Variants in GLP1R observed in about 807,000 individuals in gnomAD.
The protein encoded by GLP1R is glucagon-like peptide 1 receptor.
Under a neutral mutation model 68.4 loss-of-function variants are expected in GLP1R, and 32 were observed. The observed-to-expected ratio is 0.47, with a 90% CI of 0.35 to 0.63. GLP1R has a LOEUF of 0.63. GLP1R is among the 20% of genes least tolerant of loss of function. The pLI is 0.00. For missense variants in GLP1R, 502 were observed against 594.9 expected, an observed-to-expected ratio of 0.84 and a Z score of 1.62; for synonymous variants, 263 against 244.4, an observed-to-expected ratio of 1.08 and a Z score of -0.71.
Position 39,057,502 on chromosome 6 carries a change from A to G in GLP1R, c.206A>G (p.Tyr69Cys). ...DLFCNRTFDE[Y>C]ACWPDGEPGS... ...TTCTGCAACCGGACCTTCGATGAAT[A>G]CGCCTGCTGGCCAGATGGGGAGCCA... Residue 69 changes from tyrosine (Y) to cysteine (C), a missense_variant, in exon 3 of 13, where the codon TAC (tyrosine) becomes TGC (cysteine). Coordinates refer to ENST00000373256, the MANE Select transcript of GLP1R (RefSeq NM_002062.5). 6.2e-7 allele frequency: 1 copy of G among 1,613,570 alleles called. No individual in the cohort carries two copies. The highest frequency in any genetic ancestry group is 8.5e-7 in the Non-Finnish European group (1 of 1,179,556).
intron 12 of GLP1R, among the ~76,000 whole-genome samples, chr6:39,082,003 T>G (rs59996784): frequency 0.09 from 13,634 of 152,154 alleles, 1,938 homozygotes; most frequent in African/African-American, 0.3. Context: ...CACACCATTA[T>G]CTCCAGATGC....
chr6:39,082,378 G>A (rs1282127169), intron 12 of GLP1R, among the ~76,000 whole-genome samples: 1 of 152,238 alleles, frequency 6.6e-6, no homozygotes, highest in Non-Finnish European at 1.5e-5. Context: ...AGATGGTAGA[G>A]CTAGTGGGCT....
intron 5 of GLP1R, among the ~76,000 whole-genome samples, chr6:39,071,683 G>A (rs1418400305): frequency 6.6e-6 from 1 of 151,978 alleles, no homozygotes; most frequent in African/African-American, 2.4e-5. Flanking sequence ...TCCCTGTCCG[G>A]ATACCATGGT....
At chr6:39,061,189 G>A (rs1391075461) in intron 3 of GLP1R, among the ~76,000 whole-genome samples, 3 of 152,220 alleles carry the variant, frequency 2.0e-5, no homozygotes, top group Non-Finnish European at 4.4e-5. Flanking sequence ...TTGGGTCTCA[G>A]GATTGTGCAG....
chr6:39,059,551 A>T (rs923193524), intron 3 of GLP1R, among the ~76,000 whole-genome samples: 7 of 152,184 alleles, frequency 4.6e-5, no homozygotes, highest in Non-Finnish European at 7.3e-5. Context: ...CCGTGTAAGC[A>T]GGAGCAAGTT....
intron 12 of GLP1R, among the ~76,000 whole-genome samples, chr6:39,083,980 G>A (rs573783641): frequency 6.6e-6 from 1 of 152,232 alleles, no homozygotes; most frequent in Admixed American, 6.5e-5. Flanking sequence ...GCTGTATGCT[G>A]GGCACTGTGC....
Position 39,066,181 on chromosome 6 carries a change from C to G in GLP1R, c.403-16C>G. ...ATGGGCTGCCCATGTACACGTATGT[C>G]CCCCGTGTGCCACAGAGCTCCCCGG... On this transcript the variant is annotated splice_polypyrimidine_tract_variant and intron_variant, in intron 4 of 12. Coordinates refer to ENST00000373256, the MANE Select transcript of GLP1R (RefSeq NM_002062.5). 7.1e-7 allele frequency: 1 copy of G among 1,404,510 alleles called. No individual in the cohort carries two copies. Among genetic ancestry groups the G allele is most frequent in the Non-Finnish European group, 1.0e-6 (1 of 990,934 alleles). 87.0% of individuals were successfully genotyped at this position (1,404,510 alleles called of 1,614,324 possible). A position where few individuals can be genotyped will look rare whatever the true frequency, so the allele number is the denominator to read the frequency against.
intron 3 of GLP1R, among the ~76,000 whole-genome samples, chr6:39,063,408 G>T (rs961799400): frequency 6.6e-6 from 1 of 152,152 alleles, no homozygotes; most frequent in Non-Finnish European, 1.5e-5. Flanking sequence ...CTTCTCTGCC[G>T]TTGGGGGTAC....
At chr6:39,055,836 C>T (rs762983184) in intron 1 of GLP1R, among the ~76,000 whole-genome samples, 8 of 152,268 alleles carry the variant, frequency 5.3e-5, no homozygotes, top group Admixed American at 1.3e-4. Context: ...CTCTCCCCGG[C>T]CCCCGCACAC....
intron 12 of GLP1R, among the ~76,000 whole-genome samples, chr6:39,083,663 C>T (rs2206942): frequency 0.53 from 80,819 of 151,986 alleles, 23,048 homozygotes; most frequent in African/African-American, 0.74. Flanking sequence ...TCTCCCCAGC[C>T]GTAAATGAAG....
Position 39,056,395 on chromosome 6 carries a change from A to C in GLP1R, c.79-2A>C. On this transcript the variant is annotated splice_acceptor_variant, in intron 1 of 12. Transcript: ENST00000373256. LOFTEE classifies it high-confidence loss of function. ...GGCCTCCCATATATGCCCTCCCCCC[A>C]GGGTGCCACTGTGTCCCTCTGGGAG... 1 of 1,561,744 alleles carries C rather than the reference A, an allele frequency of 6.4e-7. No homozygotes were observed. Among genetic ancestry groups the C allele is most frequent in the Non-Finnish European group, 8.8e-7 (1 of 1,132,916 alleles).
intron 8 of GLP1R, 150 bp downstream of exon 8, chr6:39,078,532 TC>T: frequency 3.0e-6 from 2 of 674,934 alleles, no homozygotes; most frequent in South Asian, 1.7e-5. Context: ...TAATCTCCCC[TC>T]CCTGCCCCTG....
chr6:39,057,432 T>G, intron 2 of GLP1R, 40 bp from the exon 3 acceptor site: 1 of 1,346,892 alleles, frequency 7.4e-7, no homozygotes, highest in Non-Finnish European at 1.1e-6. Flanking sequence ...CCATGGCCAG[T>G]CACAAGCAGG....
At chr6:39,071,566 T>G (rs1768668531) in intron 5 of GLP1R, among the ~76,000 whole-genome samples, 1 of 152,132 alleles carries the variant, frequency 6.6e-6, no homozygotes, top group Non-Finnish European at 1.5e-5. Flanking sequence ...CATTTATTGA[T>G]AGCCTTTCCT....
At chr6:39,063,335 G>T (rs750482632) in intron 3 of GLP1R, among the ~76,000 whole-genome samples, 1 of 152,180 alleles carries the variant, frequency 6.6e-6, no homozygotes, top group Non-Finnish European at 1.5e-5. Flanking sequence ...CAGCAGATAA[G>T]AGAGGCATTT....
chr6:39,066,327 G>A (rs780510445), intron 5 of GLP1R, 24 bp downstream of exon 5: 11 of 1,339,612 alleles, frequency 8.2e-6, no homozygotes, highest in Non-Finnish European at 1.2e-5. Flanking sequence ...GACCCTGGGA[G>A]GGGGCTGCTT....
chr6:39,085,450 GT>G (rs1464457916), intron 12 of GLP1R, among the ~76,000 whole-genome samples: 1 of 152,170 alleles, frequency 6.6e-6, no homozygotes, highest in Non-Finnish European at 1.5e-5. Context: ...CCCTCAGGGA[GT>G]TTAGAAGGGT....
chr6:39,067,279 T>G (rs1768542250), intron 5 of GLP1R, among the ~76,000 whole-genome samples: 1 of 152,246 alleles, frequency 6.6e-6, no homozygotes, highest in African/African-American at 2.4e-5. Context: ...GTATTGAACA[T>G]ATTTGTCTTA....
intron 1 of GLP1R, among the ~76,000 whole-genome samples, chr6:39,056,117 C>G (rs1469934238): frequency 1.3e-5 from 2 of 152,160 alleles, no homozygotes; most frequent in Non-Finnish European, 2.9e-5. Context: ...CTCCTTCACC[C>G]ACCCACCTCC....
Sources: allele counts gnomAD v4.1 joint callset (sites outside exome capture counted in the v4.1 genomes callset), GRCh38; gene constraint gnomAD v4.1.1; transcripts MANE v1.5; gene names NCBI Gene and HGNC (gene_info 2026-07-23, HGNC 2026-07-21).